ADNP: variants seen among roughly 807,000 people sequenced by gnomAD.
ADNP encodes activity-dependent neuroprotector homeobox protein.
A neutral mutation model predicts 84.9 loss-of-function variants in ADNP; 4 were observed. That is an observed-to-expected ratio of 0.05 (90% confidence interval 0.02 to 0.11). The LOEUF is 0.11. ADNP is among the 10% of genes least tolerant of loss of function. The pLI, the probability that ADNP is intolerant of heterozygous loss-of-function variation, is 1.00. For synonymous variants in ADNP, 554 were observed against 468.1 expected, an observed-to-expected ratio of 1.18 and a Z score of -2.37; for missense variants, 1,132 against 1,326.0, an observed-to-expected ratio of 0.85 and a Z score of 2.27.
chr20:50,907,771 T>TG (rs1982633150), intron 2 of ADNP, among the ~76,000 whole-genome samples: 1 of 150,500 alleles, frequency 6.6e-6, no homozygotes, highest in Non-Finnish European at 1.5e-5. Flanking sequence ...GTGTGTGTGT[T>TG]TTTTTTTGTA....
intron 2 of ADNP, chr20:50,913,987 A>G: frequency 1.3e-6 from 1 of 745,664 alleles, no homozygotes; most frequent in African/African-American, 1.7e-5. Context: ...CCAGAATGAG[A>G]CTGTAAAAGC....
chr20:50,888,994 T>C lies in ADNP; in HGVS notation c.*2411A>G, dbSNP rs1980363505. 6.6e-6 allele frequency: 1 copy of C among 152,180 alleles called. No individual in the cohort carries two copies. Among genetic ancestry groups the C allele is most frequent in the South Asian group, 2.1e-4 (1 of 4,826 alleles). The allele number at this position is 152,180 out of a possible 1,614,324, so 9.4% of individuals were successfully genotyped here. On this transcript the variant is annotated 3_prime_UTR_variant, in exon 6 of 6. Transcript: ENST00000621696. ...CATTCTCTAATTAGGTGGCAGCACG[T>C]TGCCATAGCCAACGATCTCCAGATT...
At chr20:50,913,294 CTG>C (rs1983230553) in intron 2 of ADNP, among the ~76,000 whole-genome samples, 3 of 83,800 alleles carry the variant, frequency 3.6e-5, no homozygotes, top group East Asian at 4.2e-4. Context: ...AAAAAGGTAT[CTG>C]TATTTTCTAA....
chr20:50,927,515 T>C (rs946409375), intron 2 of ADNP, among the ~76,000 whole-genome samples: 2 of 152,100 alleles, frequency 1.3e-5, no homozygotes, highest in Non-Finnish European at 2.9e-5. Context: ...ATGAAGTATA[T>C]AGTTTACCTA....
rs148502910 is a variant in ADNP at position 50,892,239 on chromosome 20, C to T, written c.2475G>A (p.Gly825=). 2 of 1,614,122 alleles carry T rather than the reference C, an allele frequency of 1.2e-6. No individual in the cohort carries two copies. Among genetic ancestry groups the T allele is most frequent in the East Asian group, 2.2e-5 (1 of 44,878 alleles). The change falls in exon 6 of 6, where the codon GGG becomes GGA. Residue 825 remains glycine, a synonymous_variant. Transcript: ENST00000621696. ...CEKYKPGVLL[G]FNMKELNKVK... ...CTTTATTTAATTCTTTCATGTTAAA[C>T]CCCAGCAACACGCCAGGCTTGTACT...
At chr20:50,898,940 T>A (rs191848654) in intron 5 of ADNP, among the ~76,000 whole-genome samples, 1 of 152,368 alleles carries the variant, frequency 6.6e-6, no homozygotes, top group East Asian at 1.9e-4. Context: ...TAGTACAGAC[T>A]GCATATGGGA....
chr20:50,905,197 G>A (rs887476098), intron 2 of ADNP: 3 of 152,170 alleles, frequency 2.0e-5, no homozygotes, highest in Admixed American at 1.3e-4. Flanking sequence ...GGGCAGCTGA[G>A]AATATGTATG....
At chr20:50,896,793 TGAG>T (rs1019469636) in intron 5 of ADNP, among the ~76,000 whole-genome samples, 3 of 151,320 alleles carry the variant, frequency 2.0e-5, no homozygotes, top group Non-Finnish European at 2.9e-5. Context: ...AGGCTTTTCT[TGAG>T]GAGGTCTCAC....
At chr20:50,903,748 C>A in intron 4 of ADNP, 141 bp downstream of exon 4, 2 of 643,500 alleles carry the variant, frequency 3.1e-6, no homozygotes, top group Non-Finnish European at 2.7e-6. Flanking sequence ...CAAGTTAATG[C>A]TATTGAGAAT....
intron 5 of ADNP, among the ~76,000 whole-genome samples, chr20:50,897,961 G>A (rs1364065215): frequency 6.6e-6 from 1 of 152,090 alleles, no homozygotes; most frequent in Non-Finnish European, 1.5e-5. Flanking sequence ...TGATATGCTT[G>A]AAGCCCCTAG....
chr20:50,928,406 G>C (rs879716346), intron 2 of ADNP, among the ~76,000 whole-genome samples: 1 of 152,186 alleles, frequency 6.6e-6, no homozygotes, highest in Non-Finnish European at 1.5e-5. Flanking sequence ...TTTATACAAA[G>C]GGGTGTAGAA....
At position 50,893,044 on chromosome 20, in the gene ADNP, C is replaced by A; in HGVS notation, c.1670G>T (p.Gly557Val). Residue 557 changes from glycine to valine, a missense_variant, in exon 6 of 6, where the codon GGT (glycine) becomes GTT (valine). This residue lies in a region of ADNP where 87 missense variants were observed against 181.4 expected (regional missense o/e 0.48). Coordinates refer to ENST00000621696, the MANE Select transcript of ADNP (RefSeq NM_001282531.3). The surrounding 1 kb of genome is among the most constrained non-coding windows in gnomAD (Gnocchi z 4.4). ...CAGGAGATGGATGTTAGTGTGACTA[C>A]CCTGCTGCAATGTCAAATCAAAACT... is the stretch of plus-strand genomic sequence containing the variant. ...TLSFDLTLQQ[G>V]SHTNIHLLVT... 6.2e-7 allele frequency: 1 copy of A among 1,614,196 alleles called. No homozygotes were observed. Among genetic ancestry groups the A allele is most frequent in the South Asian group, 1.1e-5 (1 of 91,084 alleles).
At chr20:50,904,400 T>G in intron 3 of ADNP, 1 of 171,314 alleles carries the variant, frequency 5.8e-6, no homozygotes, top group South Asian at 1.4e-4. Flanking sequence ...AATTTTTTTG[T>G]AGAGACTAGG....
chr20:50,894,588 T>A, intron 5 of ADNP, 76 bp from the exon 6 acceptor site: 5 of 1,458,430 alleles, frequency 3.4e-6, no homozygotes, highest in Non-Finnish European at 4.6e-6. Context: ...CCCCCCCGGA[T>A]ATTCTTAATA....
At position 50,891,755 on chromosome 20, in the gene ADNP, T is replaced by C. The variant is rs1421893543; in HGVS notation, c.2959A>G (p.Asn987Asp). ...GSQQVSDFED[N>D]TCEMKPGTWS... ...GTTCCTGGTTTCATTTCGCAGGTAT[T>C]GTCCTCAAAGTCTGACACTTGTTGG... Residue 987 changes from asparagine (N) to aspartate (D), a missense_variant, in exon 6 of 6, where the codon AAT (asparagine) becomes GAT (aspartate). Asn to Asp is a conservative substitution (Grantham distance 23, BLOSUM62 1). Coordinates refer to ENST00000621696, the MANE Select transcript of ADNP (RefSeq NM_001282531.3). The C allele has an allele frequency of 6.2e-7, 1 of 1,614,218 alleles. No individual in the cohort carries two copies. The highest frequency in any genetic ancestry group is 8.5e-7 in the Non-Finnish European group (1 of 1,180,040).
chr20:50,918,477 C>G (rs1983683238), intron 2 of ADNP, among the ~76,000 whole-genome samples: 3 of 151,934 alleles, frequency 2.0e-5, no homozygotes, highest in Admixed American at 1.3e-4. Flanking sequence ...TAGGTGGCCC[C>G]AAAACCTTTA....
chr20:50,909,324 C>G (rs1982799136), intron 2 of ADNP, among the ~76,000 whole-genome samples: 1 of 127,322 alleles, frequency 7.9e-6, no homozygotes, highest in Admixed American at 1.0e-4. Flanking sequence ...AATTGCACCA[C>G]TGCACTCCAG....
rs1980475361 is a variant in ADNP at position 50,889,869 on chromosome 20, G to A, written c.*1536C>T. On this transcript the variant is annotated 3_prime_UTR_variant, in exon 6 of 6. Transcript: ENST00000621696. ...GCTCTTCAAAGCCTTTCCCTTAATA[G>A]CAAGAGGGCCAAGAGTGGCAAATAG... 7.5e-6 allele frequency: 3 copies of A among 398,412 alleles called. No homozygotes were observed. The highest frequency in any genetic ancestry group is 1.3e-5 in the Non-Finnish European group (3 of 226,038). The allele number at this position is 398,412 out of a possible 1,614,324, so 24.7% of individuals were successfully genotyped here. A position where few individuals can be genotyped will look rare whatever the true frequency, so the allele number is the denominator to read the frequency against.
chr20:50,925,284 A>ACACACACC (rs1408284807), intron 2 of ADNP, among the ~76,000 whole-genome samples: 2 of 151,906 alleles, frequency 1.3e-5, no homozygotes, highest in Non-Finnish European at 2.9e-5. Context: ...ACACACACAC[A>ACACACACC]CACACACTAC....
Sources: gnomAD v4.1 joint callset for allele counts (sites outside exome capture counted in the v4.1 genomes callset) on GRCh38, gnomAD v4.1.1 for gene constraint, gnomAD v4.1.1 regional missense constraint, Gnocchi (gnomAD v3.1) non-coding constraint, MANE v1.5 for transcripts, NCBI Gene and HGNC (gene_info 2026-07-23, HGNC 2026-07-21) for gene names.